ZNF804B: variants seen among roughly 807,000 people sequenced by gnomAD.
ZNF804B encodes zinc finger 804B.
ZNF804B carries 80 observed loss-of-function variants against 101.4 expected under a neutral mutation model. The observed-to-expected ratio is 0.79, with a 90% CI of 0.66 to 0.95. ZNF804B has a LOEUF of 0.95. Among genes scored for constraint, ZNF804B ranks in the 40% least tolerant of loss-of-function variants. ZNF804B has a pLI of 0.00. For missense variants in ZNF804B, 1,673 were observed against 1,561.9 expected (o/e 1.07, Z -1.20); for synonymous variants, 622 against 558.8 (o/e 1.11, Z -1.59).
intron 1 of ZNF804B, among the ~76,000 whole-genome samples, chr7:88,891,281 A>G (rs913571996): frequency 6.6e-6 from 1 of 152,088 alleles, no homozygotes; most frequent in African/African-American, 2.4e-5. Flanking sequence ...TAGGGTATAC[A>G]CTTTTGGTAT....
intron 1 of ZNF804B, among the ~76,000 whole-genome samples, chr7:88,911,537 C>T (rs1792550816): frequency 6.7e-6 from 1 of 150,248 alleles, no homozygotes; most frequent in Admixed American, 6.6e-5. Context: ...AACTTCTTTT[C>T]ACCTAATATA....
At chr7:89,035,159 T>C (rs150266772) in intron 1 of ZNF804B, among the ~76,000 whole-genome samples, 2,122 of 152,184 alleles carry the variant, frequency 0.014, 43 homozygotes, top group African/African-American at 0.048. Context: ...AAACTAGATA[T>C]CACATTTTTT....
At chr7:88,782,574 A>G (rs556662967) in intron 1 of ZNF804B, among the ~76,000 whole-genome samples, 90 of 152,232 alleles carry the variant, frequency 5.9e-4, no homozygotes, top group African/African-American at 2.1e-3. Context: ...TATTTCCATT[A>G]ATTAACTAGG....
At chr7:89,286,247 C>T (rs77238917) in intron 2 of ZNF804B, among the ~76,000 whole-genome samples, 169 of 151,898 alleles carry the variant, frequency 1.1e-3, no homozygotes, top group African/African-American at 3.8e-3. Context: ...ACACACAATC[C>T]TCTATGGAAA....
intron 2 of ZNF804B, among the ~76,000 whole-genome samples, chr7:89,233,905 T>C (rs967064683): frequency 8.5e-5 from 13 of 152,228 alleles, no homozygotes; most frequent in African/African-American, 3.1e-4. Context: ...ATCACATGTG[T>C]GGCCATTGCT....
chr7:88,899,542 A>G (rs927637769), intron 1 of ZNF804B, among the ~76,000 whole-genome samples: 3 of 152,166 alleles, frequency 2.0e-5, no homozygotes, highest in Non-Finnish European at 4.4e-5. Flanking sequence ...CTCAGCTCCT[A>G]GCCAATCATC....
chr7:89,247,410 A>AGCTCTTAACTAGCTCTTAAC (rs1663134419), intron 2 of ZNF804B, among the ~76,000 whole-genome samples: 1 of 152,178 alleles, frequency 6.6e-6, no homozygotes, highest in Non-Finnish European at 1.5e-5. Context: ...GCTCTTAACT[A>AGCTCTTAACTAGCTCTTAAC]TAAGCACCAT....
rs1009666160 is a variant in ZNF804B, at chr7:88,868,044, T to C, written c.108+107960T>C. On this transcript the variant is annotated intron_variant, in intron 1 of 3. Transcript: ENST00000333190. Reference sequence around the variant, plus strand: ...TATTCATAATTCTACTGTGTGTGTGTGTGAGTGTGTGTGTGTGTGTGTGTG... The same window carrying C: ...TATTCATAATTCTACTGTGTGTGTGCGTGAGTGTGTGTGTGTGTGTGTGTG... 7.7e-4 allele frequency among the ~76,000 whole-genome samples: 96 copies of C among 125,032 alleles called. 1 individual carries two copies. The highest frequency in any genetic ancestry group is 2.5e-3 in the African/African-American group (76 of 30,706). The allele number at this position is 125,032 out of a possible 152,430, so 82.0% of individuals were successfully genotyped here. A position where few individuals can be genotyped will look rare whatever the true frequency, so the allele number is the denominator to read the frequency against.
intron 1 of ZNF804B, among the ~76,000 whole-genome samples, chr7:88,849,689 T>A (rs189299852): frequency 0.017 from 2,551 of 151,260 alleles, 30 homozygotes; most frequent in Non-Finnish European, 0.023. Flanking sequence ...TCTTAAAATT[T>A]AAATTTAAAT....
intron 2 of ZNF804B, among the ~76,000 whole-genome samples, chr7:89,269,044 T>C (rs1202646629): frequency 6.6e-6 from 1 of 152,094 alleles, no homozygotes; most frequent in Non-Finnish European, 1.5e-5. Context: ...GAAAAATTTA[T>C]TTTTTCAAAT....
In ZNF804B at chr7:89,337,111, A is replaced by T; in HGVS notation, c.*79A>T. On this transcript the variant is annotated 3_prime_UTR_variant, in exon 4 of 4. Transcript: ENST00000333190. The stretch of plus-strand genomic sequence containing the variant: ...AATCATACATTTAAAGAAGTCTGTC[A>T]ATTATAAGATTTAAAATATTGCTGC... 7.3e-7 allele frequency: 1 copy of T among 1,363,732 alleles called. No individual in the cohort carries two copies. Among genetic ancestry groups the T allele is most frequent in the Admixed American group, 2.6e-5 (1 of 39,158 alleles). 84.5% of individuals were successfully genotyped at this position (1,363,732 alleles called of 1,614,324 possible). A position where few individuals can be genotyped will look rare whatever the true frequency, so the allele number is the denominator to read the frequency against.
chr7:89,204,736 A>C (rs146317512), intron 1 of ZNF804B, among the ~76,000 whole-genome samples: 1 of 152,208 alleles, frequency 6.6e-6, no homozygotes, highest in South Asian at 2.1e-4. Flanking sequence ...TCTGAGTTCA[A>C]TGAAGGTAGG....
chr7:89,031,516 A>G (rs1005524866), intron 1 of ZNF804B, among the ~76,000 whole-genome samples: 3 of 152,108 alleles, frequency 2.0e-5, no homozygotes, highest in African/African-American at 7.2e-5. Context: ...TTTCTAAGTG[A>G]TATAATATGG....
At chr7:89,095,745 A>G (rs1789962788) in intron 1 of ZNF804B, among the ~76,000 whole-genome samples, 1 of 152,268 alleles carries the variant, frequency 6.6e-6, no homozygotes, top group African/African-American at 2.4e-5. Context: ...ATTTGCATTT[A>G]CATTTGTTTC....
At chr7:88,798,681 C>T (rs1266519983) in intron 1 of ZNF804B, among the ~76,000 whole-genome samples, 1 of 152,098 alleles carries the variant, frequency 6.6e-6, no homozygotes, top group African/African-American at 2.4e-5. Flanking sequence ...ACACTCTGAA[C>T]TGTCAAGAGT....
chr7:89,098,633 C>CA (rs1172235477), intron 1 of ZNF804B, among the ~76,000 whole-genome samples: 3 of 151,922 alleles, frequency 2.0e-5, no homozygotes, highest in African/African-American at 7.3e-5. Context: ...AAGAAACAAA[C>CA]AAAAAACAAT....
chr7:88,919,672 C>T (rs768977193), intron 1 of ZNF804B, among the ~76,000 whole-genome samples: 12 of 152,106 alleles, frequency 7.9e-5, no homozygotes, highest in Non-Finnish European at 1.3e-4. Flanking sequence ...CCTGTGGTCA[C>T]GTAGGACTGT....
chr7:89,141,971 CCAGA>C (rs1790725190), intron 1 of ZNF804B, among the ~76,000 whole-genome samples: 1 of 151,492 alleles, frequency 6.6e-6, no homozygotes. Flanking sequence ...AACAATGATA[CCAGA>C]CATTTATTCC....
chr7:88,969,513 C>A (rs2373746), intron 1 of ZNF804B, among the ~76,000 whole-genome samples: 108,022 of 151,584 alleles, frequency 0.71, 39,368 homozygotes, highest in African/African-American at 0.88. Context: ...GGCAACAATT[C>A]CTGTCATTAG....
Sources: allele counts gnomAD v4.1 joint callset (sites outside exome capture counted in the v4.1 genomes callset), GRCh38; gene constraint gnomAD v4.1.1; transcripts MANE v1.5; gene names NCBI Gene and HGNC (gene_info 2026-07-23, HGNC 2026-07-21).